The following F2 variants were observed in gnomAD, a reference collection of about 807,000 sequenced individuals.
F2 encodes coagulation factor II, thrombin.
A neutral mutation model predicts 81.9 loss-of-function variants in F2; 34 were observed. The observed-to-expected ratio is 0.42, with a 90% CI of 0.32 to 0.55. The LOEUF is 0.55. Among genes scored for constraint, F2 ranks in the 20% least tolerant of loss-of-function variants. The probability of loss-of-function intolerance (pLI) is 0.18; values close to 1 mark genes in which losing one functional copy is unlikely to be tolerated. For synonymous variants in F2, 296 were observed against 326.4 expected, an observed-to-expected ratio of 0.91 and a Z score of 1.01; for missense variants, 630 against 833.4, an observed-to-expected ratio of 0.76 and a Z score of 3.00.
In F2 at chr11:46,729,472, T is replaced by G; in HGVS notation, c.1565T>G (p.Val522Gly). ...AACGTTGGTAAGGGGCAGCCCAGTGTCCTGCAGGTGGTGAACCTGCCCATT... is the reference window on the plus strand; with the variant it reads ...AACGTTGGTAAGGGGCAGCCCAGTGGCCTGCAGGTGGTGAACCTGCCCATT... ...TANVGKGQPSVLQVVNLPIVE... is the reference protein window; with the variant it reads ...TANVGKGQPSGLQVVNLPIVE... The change falls in exon 12 of 14, where the codon GTC (valine) becomes GGC (glycine). Residue 522 changes from valine (V) to glycine (G), a missense_variant. Transcript: ENST00000311907. 3 of 1,614,128 alleles carry G rather than the reference T, an allele frequency of 1.9e-6. No individual in the cohort carries two copies. Among genetic ancestry groups the G allele is most frequent in the Non-Finnish European group, 2.5e-6 (3 of 1,180,014 alleles).
chr11:46,719,216 G>T lies in F2; in HGVS notation c.-20G>T. The T allele has an allele frequency of 6.2e-7, 1 of 1,613,558 alleles. No individual in the cohort carries two copies. Among genetic ancestry groups the T allele is most frequent in the South Asian group, 1.1e-5 (1 of 91,040 alleles). The stretch of plus-strand genomic sequence containing the variant: ...GGGTCAGGACAGACAATTCCTCAGT[G>T]ACCCAGGAGCTGACACACTATGGCG... On this transcript the variant is annotated 5_prime_UTR_variant, in exon 1 of 14. Transcript: ENST00000311907. The surrounding 1 kb of genome is among the most constrained non-coding windows in gnomAD (Gnocchi z 4.7).
intron 12 of F2, among the ~76,000 whole-genome samples, chr11:46,731,655 A>G (rs2064912570): frequency 6.6e-6 from 1 of 150,810 alleles, no homozygotes; most frequent in South Asian, 2.1e-4. Flanking sequence ...GACATGTCTG[A>G]TGAGTGCAGT....
intron 6 of F2, among the ~76,000 whole-genome samples, chr11:46,725,045 C>T (rs1226887714): frequency 6.9e-6 from 1 of 144,198 alleles, no homozygotes; most frequent in Non-Finnish European, 1.5e-5. Context: ...GCTGAGATTA[C>T]AGGGGTGAGG....
chr11:46,731,773 G>T (rs3136525), intron 12 of F2, among the ~76,000 whole-genome samples: 3 of 152,122 alleles, frequency 2.0e-5, no homozygotes, highest in Non-Finnish European at 4.4e-5. Flanking sequence ...CTGTTAACTG[G>T]CACATGAGAA....
Position 46,726,254 on chromosome 11 carries a change from G to A in F2, c.874+81G>A, listed in dbSNP as rs547084406. ...CAACAGCCGCTTCTGCTTATCGAAC[G>A]CTTACCTCATTGAGTGCGCTCATTA... On this transcript the variant is annotated intron_variant, in intron 7 of 13. Transcript: ENST00000311907. The surrounding 1 kb of genome is among the most constrained non-coding windows in gnomAD (Gnocchi z 5.9). 1.7e-5 allele frequency: 26 copies of A among 1,566,374 alleles called. No homozygotes were observed. Among genetic ancestry groups the A allele is most frequent in the East Asian group, 1.4e-4 (6 of 44,350 alleles).
intron 12 of F2, 70 bp from the exon 13 acceptor site, chr11:46,738,976 CTG>C (rs2064960962): frequency 1.3e-6 from 2 of 1,490,954 alleles, no homozygotes; most frequent in Admixed American, 1.7e-5. Flanking sequence ...CTCTCACCAG[CTG>C]TGTCTCGTGA....
At position 46,728,060 on chromosome 11, in the gene F2, C is replaced by G; in HGVS notation, c.1195C>G (p.Arg399Gly). The change falls in exon 10 of 14, where the codon CGC (arginine) becomes GGC (glycine). Residue 399 changes from arginine to glycine, a missense_variant. By Grantham distance (125) the Arg-to-Gly change is moderately radical. Transcript: ENST00000311907. This position sits in a 1 kb window ranked among gnomAD's most constrained non-coding sequence, Gnocchi z 5.1. ...GTGTGGGGCCAGCCTCATCAGTGAC[C>G]GCTGGGTCCTCACCGCCGCCCACTG... ...LLCGASLISD[R>G]WVLTAAHCLL... The G allele has an allele frequency of 6.2e-7, 1 of 1,610,764 alleles. No individual in the cohort carries two copies. Among genetic ancestry groups the G allele is most frequent in the Non-Finnish European group, 8.5e-7 (1 of 1,178,864 alleles).
At position 46,726,588 on chromosome 11, in the gene F2, C is replaced by G; in HGVS notation, c.965C>G (p.Thr322Ser). The change falls in exon 8 of 14, where the codon ACT becomes AGT. Residue 322 changes from threonine (T) to serine (S), a missense_variant. Coordinates refer to ENST00000311907, the MANE Select transcript of F2 (RefSeq NM_000506.5). The surrounding 1 kb of genome is among the most constrained non-coding windows in gnomAD (Gnocchi z 5.9). ...CGTACCGCCACCAGTGAGTACCAGA[C>G]TTTCTTCAATCCGAGGACCTTTGGC... ...EGRTATSEYQTFFNPRTFGSG... is the reference protein window; with the variant it reads ...EGRTATSEYQSFFNPRTFGSG... 1.2e-6 allele frequency: 2 copies of G among 1,614,176 alleles called. No individual in the cohort carries two copies. The highest frequency in any genetic ancestry group is 1.7e-6 in the Non-Finnish European group (2 of 1,180,012).
chr11:46,727,344 A>G (rs1184906142), intron 9 of F2, among the ~76,000 whole-genome samples: 1 of 152,192 alleles, frequency 6.6e-6, no homozygotes, highest in Non-Finnish European at 1.5e-5. Context: ...ACTTCTAAGC[A>G]GATGGTAAAG....
intron 12 of F2, among the ~76,000 whole-genome samples, chr11:46,730,378 G>A: frequency 6.6e-6 from 1 of 152,126 alleles, no homozygotes; most frequent in East Asian, 1.9e-4. Context: ...TCTGGGCAGG[G>A]ACTGGAAGAG....
intron 12 of F2, among the ~76,000 whole-genome samples, chr11:46,738,159 T>C (rs3136508): frequency 0.076 from 11,618 of 151,946 alleles, 664 homozygotes; most frequent in South Asian, 0.14. Flanking sequence ...CACCAACATG[T>C]CTGGCTAATT....
chr11:46,724,937 A>AT (rs963517844), intron 6 of F2, among the ~76,000 whole-genome samples: 7 of 149,802 alleles, frequency 4.7e-5, no homozygotes, highest in African/African-American at 1.5e-4. Flanking sequence ...CTCCTGGCTA[A>AT]TTTTTTTTTA....
At position 46,725,974 on chromosome 11, in the gene F2, G is replaced by C. The variant is rs767472475; in HGVS notation, c.675G>C (p.Leu225=). The C allele has an allele frequency of 6.2e-7, 1 of 1,613,944 alleles. No homozygotes were observed. The highest frequency in any genetic ancestry group is 8.5e-7 in the Non-Finnish European group (1 of 1,180,002). Residue 225 remains leucine, a synonymous_variant, in exon 7 of 14, where the codon CTG becomes CTC. Transcript: ENST00000311907. ...PDRGQQYQGR[L]AVTTHGLPCL... ...GGGGGCAGCAGTACCAGGGGCGCCT[G>C]GCGGTGACCACACATGGGCTCCCCT... is the stretch of plus-strand genomic sequence containing the variant.
In F2 at chr11:46,725,949, G is replaced by A. The variant is rs762892196; in HGVS notation, c.650G>A (p.Arg217Gln). The A allele has an allele frequency of 2.0e-5, 32 of 1,613,814 alleles. No individual in the cohort carries two copies. Among genetic ancestry groups the A allele is most frequent in the African/African-American group, 5.3e-5 (4 of 74,924 alleles). The change falls in exon 7 of 14, where the codon CGG (arginine) becomes CAG (glutamine). Residue 217 changes from arginine (R) to glutamine (Q), a missense_variant. Physicochemically the swap from Arg to Gln is conservative, Grantham distance 43. Transcript: ENST00000311907. ...CCATTGGAGCAGTGTGTCCCTGATCGGGGGCAGCAGTACCAGGGGCGCCTG... is the reference window on the plus strand; with the variant it reads ...CCATTGGAGCAGTGTGTCCCTGATCAGGGGCAGCAGTACCAGGGGCGCCTG... The part of the protein sequence containing the change: ...SPPLEQCVPD[R>Q]GQQYQGRLAV...
chr11:46,721,478 G>T (rs1427951265), intron 4 of F2, among the ~76,000 whole-genome samples: 2 of 152,174 alleles, frequency 1.3e-5, no homozygotes, highest in Admixed American at 6.6e-5. Context: ...ACCCCCAGCT[G>T]CTCTGACACC....
chr11:46,735,057 G>A (rs2064935889), intron 12 of F2, among the ~76,000 whole-genome samples: 2 of 152,168 alleles, frequency 1.3e-5, no homozygotes, highest in African/African-American at 4.8e-5. Context: ...GCTCACACCT[G>A]TAATCCCAGC....
At chr11:46,732,679 G>C (rs1035627510) in intron 12 of F2, among the ~76,000 whole-genome samples, 2 of 152,142 alleles carry the variant, frequency 1.3e-5, no homozygotes, top group Non-Finnish European at 2.9e-5. Flanking sequence ...GATTATAGGC[G>C]TGAGCTCTAC....
intron 12 of F2, among the ~76,000 whole-genome samples, chr11:46,738,649 A>G (rs1307207049): frequency 6.6e-6 from 1 of 151,898 alleles, no homozygotes; most frequent in East Asian, 1.9e-4. Flanking sequence ...AATTTTTTGT[A>G]GAGAGAGGGT....
rs192684501 is a variant in F2, at chr11:46,723,929, C to T, written c.559+411C>T. ...AGATGCTGGCCACCTTCAGAGCTGG[C>T]GTCAGTCATTCAGATCATATCTGTG... On this transcript the variant is annotated intron_variant, in intron 6 of 13. Transcript: ENST00000311907. The surrounding 1 kb of genome is among the most constrained non-coding windows in gnomAD (Gnocchi z 5.6). Among the ~76,000 whole-genome samples the T allele has an allele frequency of 9.2e-5, 14 of 152,148 alleles. No individual in the cohort carries two copies. The highest frequency in any genetic ancestry group is 1.3e-4 in the Non-Finnish European group (9 of 67,980).
Sources: allele counts gnomAD v4.1 joint callset (sites outside exome capture counted in the v4.1 genomes callset), GRCh38; gene constraint gnomAD v4.1.1; non-coding constraint Gnocchi (gnomAD v3.1); transcripts MANE v1.5; gene names NCBI Gene and HGNC (gene_info 2026-07-23, HGNC 2026-07-21).